The following BAZ2B variants were observed in gnomAD, a reference collection of about 807,000 sequenced individuals.
BAZ2B encodes bromodomain adjacent to zinc finger domain protein 2B.
In BAZ2B, 91 loss-of-function variants were observed where a neutral mutation model predicts 246.0. The ratio of observed to expected loss-of-function variants is 0.37; its 90% CI spans 0.31 to 0.44. BAZ2B has a LOEUF of 0.44. BAZ2B is among the 20% of genes least tolerant of loss of function. The probability of loss-of-function intolerance (pLI) is 1.00; values close to 1 mark genes in which losing one functional copy is unlikely to be tolerated. For missense variants in BAZ2B, 2,332 were observed against 2,533.7 expected (o/e 0.92, Z 1.71); for synonymous variants, 855 against 860.0 (o/e 0.99, Z 0.10).
chr2:159,677,512 G>T, the BAZ2B span, among the ~76,000 whole-genome samples: 1 of 151,974 alleles, frequency 6.6e-6, no homozygotes, highest in African/African-American at 2.4e-5. Context: ...ATCAAAGAAG[G>T]GGACAGAAAA....
chr2:159,381,424 A>C (rs1330471868), intron 25 of BAZ2B, among the ~76,000 whole-genome samples: 1 of 152,138 alleles, frequency 6.6e-6, no homozygotes, highest in African/African-American at 2.4e-5. Context: ...CAACAATAGC[A>C]TGAAGTCTTC....
chr2:159,373,481 G>A (rs2061071756), intron 26 of BAZ2B, among the ~76,000 whole-genome samples: 1 of 152,040 alleles, frequency 6.6e-6, no homozygotes, highest in Non-Finnish European at 1.5e-5. Context: ...GTATTTTATG[G>A]AGCCAAAGCA....
At chr2:159,318,011 T>C (rs1364779458), downstream of BAZ2B, among the ~76,000 whole-genome samples, 2 of 152,158 alleles carry the variant, frequency 1.3e-5, no homozygotes, top group Non-Finnish European at 2.9e-5. Context: ...CTTTTTTTCC[T>C]ATTTATTTTT....
At chr2:159,530,844 C>A (rs1026583464) in intron 2 of BAZ2B, among the ~76,000 whole-genome samples, 1 of 152,048 alleles carries the variant, frequency 6.6e-6, no homozygotes, top group South Asian at 2.1e-4. Context: ...GTGCCGCATG[C>A]CTGTAATCCC....
At chr2:159,585,215 A>G (rs943443987) in intron 1 of BAZ2B, among the ~76,000 whole-genome samples, 5 of 152,320 alleles carry the variant, frequency 3.3e-5, no homozygotes, top group African/African-American at 1.2e-4. Context: ...GACACTGAAC[A>G]TGTTAAATTT....
intron 1 of BAZ2B, among the ~76,000 whole-genome samples, chr2:159,584,512 TC>T (rs1483675379): frequency 5.3e-5 from 8 of 152,148 alleles, no homozygotes; most frequent in Non-Finnish European, 1.0e-4. Flanking sequence ...ACTACAAATA[TC>T]CAAGAAATGA....
At chr2:159,551,355 C>G (rs189150429) in intron 2 of BAZ2B, among the ~76,000 whole-genome samples, 235 of 151,472 alleles carry the variant, frequency 1.6e-3, no homozygotes, top group Non-Finnish European at 2.2e-3. Context: ...TGTAGTCCCA[C>G]CTACTCAGGA....
intron 17 of BAZ2B, among the ~76,000 whole-genome samples, chr2:159,399,940 T>C (rs1264354887): frequency 6.6e-6 from 1 of 152,240 alleles, no homozygotes; most frequent in East Asian, 1.9e-4. Flanking sequence ...TCAACATCAG[T>C]TATACTGCAC....
At chr2:159,638,582 C>T in the BAZ2B span, among the ~76,000 whole-genome samples, 1 of 151,922 alleles carries the variant, frequency 6.6e-6, no homozygotes, top group Non-Finnish European at 1.5e-5. Flanking sequence ...AGCAGAAATT[C>T]TAGAGTTGAA....
At chr2:159,642,817 C>T in the BAZ2B span, among the ~76,000 whole-genome samples, 3 of 152,188 alleles carry the variant, frequency 2.0e-5, no homozygotes, top group East Asian at 1.9e-4. Context: ...TTCTAAGCCT[C>T]GGTGAATTTC....
At chr2:159,591,012 A>G (rs967576915) in intron 1 of BAZ2B, among the ~76,000 whole-genome samples, 3 of 152,056 alleles carry the variant, frequency 2.0e-5, no homozygotes, top group African/African-American at 7.3e-5. Context: ...ATCAGAGTAT[A>G]AGATCTACAT....
intron 2 of BAZ2B, among the ~76,000 whole-genome samples, chr2:159,541,591 T>C (rs1273804545): frequency 6.6e-6 from 1 of 152,154 alleles, no homozygotes; most frequent in Non-Finnish European, 1.5e-5. Context: ...AAGTCCTTGT[T>C]ATTAAACAAA....
chr2:159,353,854 C>T (rs1018584910), intron 27 of BAZ2B, among the ~76,000 whole-genome samples: 2 of 152,174 alleles, frequency 1.3e-5, no homozygotes, highest in African/African-American at 4.8e-5. Flanking sequence ...AAATGCAAGA[C>T]TTGAAAGGAT....
chr2:159,684,846 A>C, the BAZ2B span, among the ~76,000 whole-genome samples: 1 of 152,234 alleles, frequency 6.6e-6, no homozygotes, highest in African/African-American at 2.4e-5. Context: ...TTGATTTAGT[A>C]GTAACCTTTT....
intron 16 of BAZ2B, among the ~76,000 whole-genome samples, chr2:159,402,139 G>A (rs1312382248): frequency 6.6e-6 from 1 of 152,034 alleles, no homozygotes; most frequent in Non-Finnish European, 1.5e-5. Flanking sequence ...TTAATTGTAG[G>A]CTGTCAAAAA....
chr2:159,466,744 A>G (rs192072332), intron 3 of BAZ2B, among the ~76,000 whole-genome samples: 78 of 152,308 alleles, frequency 5.1e-4, no homozygotes, highest in African/African-American at 1.7e-3. Context: ...TGATGGTGTT[A>G]AGTCCCAGCC....
chr2:159,348,236 C>G (rs190631846), intron 30 of BAZ2B, among the ~76,000 whole-genome samples: 388 of 144,368 alleles, frequency 2.7e-3, no homozygotes, highest in Middle Eastern at 3.7e-3. Flanking sequence ...AGGAAGATTG[C>G]TTGAGCCCAG....
intron 3 of BAZ2B, among the ~76,000 whole-genome samples, chr2:159,476,483 A>T (rs1273007572): frequency 6.6e-6 from 1 of 152,160 alleles, no homozygotes. Context: ...GCAACTCGGC[A>T]TACTCCATCC....
In BAZ2B at chr2:159,319,508, T is replaced by C. The variant is rs979580938; in HGVS notation, c.*757A>G. 1 of 152,600 alleles carries C rather than the reference T, an allele frequency of 6.6e-6. No individual in the cohort carries two copies. The highest frequency in any genetic ancestry group is 1.5e-5 in the Non-Finnish European group (1 of 68,026). The allele number at this position is 152,600 out of a possible 1,614,324, so 9.5% of individuals were successfully genotyped here. The stretch of plus-strand genomic sequence containing the variant: ...CAATCCTCTAAGGCATGAACAATAA[T>C]GTCTGCAAACAATATATACACATAA... On this transcript the variant is annotated 3_prime_UTR_variant, in exon 37 of 37. Transcript: ENST00000392783. The surrounding 1 kb of genome is among the most constrained non-coding windows in gnomAD (Gnocchi z 4.0).
Sources: gnomAD v4.1 joint callset for allele counts (sites outside exome capture counted in the v4.1 genomes callset) on GRCh38, gnomAD v4.1.1 for gene constraint, Gnocchi (gnomAD v3.1) non-coding constraint, MANE v1.5 for transcripts, NCBI Gene and HGNC (gene_info 2026-07-23, HGNC 2026-07-21) for gene names.